The following BRDT variants were observed in gnomAD, a reference collection of about 807,000 sequenced individuals.
The protein encoded by BRDT is bromodomain testis associated, also known as bromodomain testis-specific protein.
In BRDT, 77 loss-of-function variants were observed where a neutral mutation model predicts 113.9. The observed-to-expected ratio is 0.68, with a 90% CI of 0.56 to 0.82. BRDT has a LOEUF of 0.82. Among genes scored for constraint, BRDT ranks in the 40% least tolerant of loss-of-function variants. BRDT has a pLI of 0.00. For missense variants in BRDT, 1,027 were observed against 1,105.4 expected, an observed-to-expected ratio of 0.93 and a Z score of 1.01; for synonymous variants, 358 against 366.5, an observed-to-expected ratio of 0.98 and a Z score of 0.26.
Position 91,962,725 on chromosome 1 carries a change from A to G in BRDT, c.-30A>G. 1.3e-6 allele frequency: 2 copies of G among 1,521,798 alleles called. No individual in the cohort carries two copies. The highest frequency in any genetic ancestry group is 1.8e-6 in the Non-Finnish European group (2 of 1,136,690). The allele number at this position is 1,521,798 out of a possible 1,614,324, so 94.3% of individuals were successfully genotyped here. A position where few individuals can be genotyped will look rare whatever the true frequency, so the allele number is the denominator to read the frequency against. On this transcript the variant is annotated 5_prime_UTR_variant, in exon 2 of 19. Coordinates refer to ENST00000399546, the MANE Select transcript of BRDT (RefSeq NM_207189.4). ...TCAGTTTTTGTTTTTCAGGACATGTACTTGTAGACAGGATTCAAAGCAGTT... is the reference window on the plus strand; with the variant it reads ...TCAGTTTTTGTTTTTCAGGACATGTGCTTGTAGACAGGATTCAAAGCAGTT...
chr1:92,010,065 G>T (rs74101076), intron 18 of BRDT, among the ~76,000 whole-genome samples: 10,048 of 151,626 alleles, frequency 0.066, 391 homozygotes, highest in African/African-American at 0.094. Flanking sequence ...CATTTGTATT[G>T]ATCACTGGGT....
chr1:91,954,796 CTAAAAAAAT>C (rs1349928068), intron 1 of BRDT, among the ~76,000 whole-genome samples: 1 of 150,466 alleles, frequency 6.6e-6, no homozygotes, highest in Non-Finnish European at 1.5e-5. Flanking sequence ...CTCATCTCTA[CTAAAAAAAT>C]TAAAAAAATT....
chr1:92,003,811 T>A (rs767795144), intron 16 of BRDT, among the ~76,000 whole-genome samples: 1 of 152,188 alleles, frequency 6.6e-6, no homozygotes, highest in Non-Finnish European at 1.5e-5. Flanking sequence ...TTTGGTTAAA[T>A]AAATATATTA....
intron 12 of BRDT, among the ~76,000 whole-genome samples, chr1:91,983,306 C>T (rs1438583710): frequency 6.8e-6 from 1 of 147,242 alleles, no homozygotes; most frequent in Non-Finnish European, 1.5e-5. Context: ...CCTCTGTTGC[C>T]CAGGCTGGAG....
intron 4 of BRDT, among the ~76,000 whole-genome samples, chr1:91,973,805 C>A (rs1178356462): frequency 6.6e-6 from 1 of 152,102 alleles, no homozygotes; most frequent in Non-Finnish European, 1.5e-5. Flanking sequence ...GCCAGAACTT[C>A]CAACACTATG....
At chr1:91,958,130 G>A (rs540623900) in intron 1 of BRDT, among the ~76,000 whole-genome samples, 42 of 151,536 alleles carry the variant, frequency 2.8e-4, no homozygotes, top group African/African-American at 9.0e-4. Flanking sequence ...GGCGCGAGCC[G>A]CCATGCCTGG....
chr1:91,985,764 G>C (rs1179902157), intron 12 of BRDT, among the ~76,000 whole-genome samples: 4 of 148,630 alleles, frequency 2.7e-5, no homozygotes, highest in Admixed American at 6.8e-5. Context: ...TCAGCCTGCC[G>C]AGCAGCTGGG....
chr1:91,967,218 C>G (rs1683150599), intron 3 of BRDT, among the ~76,000 whole-genome samples: 1 of 151,978 alleles, frequency 6.6e-6, no homozygotes, highest in Admixed American at 6.6e-5. Context: ...TTTGTTTTAA[C>G]CTATTTGTGA....
rs1686900571 is a variant in BRDT at position 92,002,041 on chromosome 1, G to A, written c.2288-8G>A. The stretch of plus-strand genomic sequence containing the variant: ...TAATTATACTATTCTAAAAATGTGT[G>A]CATCCAGGTGATTCTGAACAGCTCT... On this transcript the variant is annotated splice_polypyrimidine_tract_variant and splice_region_variant and intron_variant, in intron 15 of 18. Transcript: ENST00000399546. 6.3e-7 allele frequency: 1 copy of A among 1,581,222 alleles called. No homozygotes were observed. Among genetic ancestry groups the A allele is most frequent in the Non-Finnish European group, 8.7e-7 (1 of 1,153,492 alleles).
chr1:91,975,368 A>C (rs1200346883), intron 4 of BRDT, among the ~76,000 whole-genome samples: 1 of 152,180 alleles, frequency 6.6e-6, no homozygotes, highest in African/African-American at 2.4e-5. Context: ...TGCTATGAGC[A>C]CTTTGGTTTT....
At chr1:91,956,092 T>G (rs570033093) in intron 1 of BRDT, among the ~76,000 whole-genome samples, 5 of 152,352 alleles carry the variant, frequency 3.3e-5, no homozygotes, top group African/African-American at 1.2e-4. Flanking sequence ...TCACAAGTTT[T>G]TTTGAGCAAC....
intron 15 of BRDT, among the ~76,000 whole-genome samples, chr1:91,998,495 T>TA (rs1401373886): frequency 2.0e-5 from 3 of 152,172 alleles, no homozygotes; most frequent in African/African-American, 7.2e-5. Context: ...TAAAGTATAA[T>TA]AAAAAAATTT....
intron 1 of BRDT, among the ~76,000 whole-genome samples, chr1:91,959,293 C>T (rs990927083): frequency 4.6e-5 from 7 of 152,016 alleles, no homozygotes; most frequent in African/African-American, 1.2e-4. Flanking sequence ...AGGGAGGTTA[C>T]AGTGACAGGG....
intron 8 of BRDT, 90 bp downstream of exon 8, chr1:91,979,847 T>C: frequency 1.6e-6 from 2 of 1,256,390 alleles, no homozygotes; most frequent in Non-Finnish European, 2.2e-6. Flanking sequence ...CTGTTATAGT[T>C]AAATCGCTTC....
Position 91,977,109 on chromosome 1 carries a change from A to G in BRDT, c.685A>G (p.Ser229Gly). The G allele has an allele frequency of 6.2e-7, 1 of 1,613,752 alleles. No homozygotes were observed. Residue 229 changes from serine to glycine, a missense_variant, in exon 6 of 19, where the codon AGT becomes GGT. By Grantham distance (56) the Ser-to-Gly change is moderately conservative. Transcript: ENST00000399546. Reference protein sequence around the residue: ...TPATSAVKASSEFSPTFTEKS... With the variant: ...TPATSAVKASGEFSPTFTEKS... Reference sequence around the variant, plus strand: ...TGCAACTTCAGCAGTTAAAGCAAGTAGTGAATTTTCTCCAACATTCACAGA... The same window carrying G: ...TGCAACTTCAGCAGTTAAAGCAAGTGGTGAATTTTCTCCAACATTCACAGA...
chr1:91,964,526 T>C (rs1305064223), intron 2 of BRDT, 101 bp from the exon 3 acceptor site: 1 of 709,482 alleles, frequency 1.4e-6, no homozygotes, highest in African/African-American at 1.8e-5. Flanking sequence ...AATCAGTTGC[T>C]CTCTCTAGTT....
At chr1:91,959,627 T>G (rs1392627704) in intron 1 of BRDT, among the ~76,000 whole-genome samples, 1 of 151,882 alleles carries the variant, frequency 6.6e-6, no homozygotes, top group Non-Finnish European at 1.5e-5. Flanking sequence ...ACTACAGATG[T>G]GCACCACCAC....
intron 15 of BRDT, among the ~76,000 whole-genome samples, chr1:91,999,073 T>A (rs1343621332): frequency 3.3e-5 from 5 of 151,744 alleles, no homozygotes; most frequent in African/African-American, 1.2e-4. Flanking sequence ...GAAAGGAGAA[T>A]ATAGAGACCA....
intron 1 of BRDT, among the ~76,000 whole-genome samples, chr1:91,953,673 G>T (rs1681388058): frequency 3.3e-5 from 5 of 152,046 alleles, no homozygotes; most frequent in Admixed American, 3.3e-4. Flanking sequence ...GCAAGAAAAA[G>T]ATTCTTTTCA....
Sources: allele counts gnomAD v4.1 joint callset (sites outside exome capture counted in the v4.1 genomes callset), GRCh38; gene constraint gnomAD v4.1.1; transcripts MANE v1.5; gene names NCBI Gene and HGNC (gene_info 2026-07-23, HGNC 2026-07-21).